The following NRG3 variants were observed in gnomAD, a reference collection of about 807,000 sequenced individuals.
NRG3 encodes pro-neuregulin-3, membrane-bound isoform.
NRG3 carries 31 observed loss-of-function variants against 66.9 expected under a neutral mutation model. The observed-to-expected ratio is 0.46, with a 90% confidence interval of 0.35 to 0.63. The LOEUF (loss-of-function observed/expected upper bound fraction) is 0.63. NRG3 is among the 20% of genes least tolerant of loss of function. NRG3 has a pLI of 0.00. For missense variants in NRG3, 910 were observed against 878.9 expected (o/e 1.04, Z -0.45); for synonymous variants, 393 against 359.4 (o/e 1.09, Z -1.06).
chr10:82,946,903 T>G (rs1389119874), intron 4 of NRG3, among the ~76,000 whole-genome samples: 2 of 152,158 alleles, frequency 1.3e-5, no homozygotes, highest in African/African-American at 4.8e-5. Flanking sequence ...ATTCGACATA[T>G]TCTTTGCATA....
At chr10:82,544,486 C>T (rs2043757857) in intron 2 of NRG3, among the ~76,000 whole-genome samples, 1 of 152,146 alleles carries the variant, frequency 6.6e-6, no homozygotes, top group Admixed American at 6.5e-5. Flanking sequence ...AACCACATGA[C>T]TTGATTTAGC....
chr10:82,294,522 C>T (rs2079945157), intron 1 of NRG3, among the ~76,000 whole-genome samples: 1 of 151,972 alleles, frequency 6.6e-6, no homozygotes, highest in Non-Finnish European at 1.5e-5. Flanking sequence ...CCTGCCACCT[C>T]CGTATTGTGC....
At chr10:82,386,362 C>T (rs1044784350) in intron 2 of NRG3, among the ~76,000 whole-genome samples, 1 of 152,024 alleles carries the variant, frequency 6.6e-6, no homozygotes, top group Non-Finnish European at 1.5e-5. Flanking sequence ...AATAGAGTGG[C>T]ATGGGTTTAT....
At chr10:82,565,054 T>C (rs1279317288) in intron 2 of NRG3, among the ~76,000 whole-genome samples, 1 of 152,052 alleles carries the variant, frequency 6.6e-6, no homozygotes, top group Admixed American at 6.6e-5. Flanking sequence ...AGGAAGAGTT[T>C]GTCATAAGGA....
chr10:82,865,458 C>A (rs1368891365), intron 4 of NRG3, 21 bp downstream of exon 4: 1 of 1,610,272 alleles, frequency 6.2e-7, no homozygotes, highest in Non-Finnish European at 8.5e-7. Flanking sequence ...ACAATTTGCT[C>A]ATTTAATATC....
At chr10:82,355,562 C>T (rs567013044) in intron 1 of NRG3, among the ~76,000 whole-genome samples, 23 of 152,114 alleles carry the variant, frequency 1.5e-4, no homozygotes, top group Non-Finnish European at 1.5e-5. Flanking sequence ...GATAGAAAAC[C>T]TCAGTAAGAG....
At chr10:82,067,821 G>A (rs74360446) in intron 1 of NRG3, among the ~76,000 whole-genome samples, 4,935 of 152,286 alleles carry the variant, frequency 0.032, 165 homozygotes, top group East Asian at 0.15. Flanking sequence ...AGCAATCTTT[G>A]TCATTTCCTT....
intron 2 of NRG3, among the ~76,000 whole-genome samples, chr10:82,433,974 A>G (rs1350175196): frequency 6.6e-6 from 1 of 152,182 alleles, no homozygotes; most frequent in Non-Finnish European, 1.5e-5. Context: ...AGTTTTTTCT[A>G]ATTCTGTGAA....
chr10:82,943,566 A>G (rs753239252), intron 4 of NRG3, among the ~76,000 whole-genome samples: 22 of 152,370 alleles, frequency 1.4e-4, no homozygotes, highest in Non-Finnish European at 2.2e-4. Flanking sequence ...GGAGGAGTAT[A>G]TCTCAGTTCA....
intron 2 of NRG3, among the ~76,000 whole-genome samples, chr10:82,502,131 A>C (rs1424426169): frequency 6.6e-6 from 1 of 152,164 alleles, no homozygotes; most frequent in Admixed American, 6.5e-5. Flanking sequence ...AGGAGTTGAC[A>C]TAACTCTGAT....
intron 4 of NRG3, among the ~76,000 whole-genome samples, chr10:82,866,712 G>A (rs2135956492): frequency 6.6e-6 from 1 of 152,304 alleles, no homozygotes; most frequent in South Asian, 2.1e-4. Flanking sequence ...AAATCAATTA[G>A]TAGTCATCAT....
chr10:82,941,763 G>C (rs1339842507), intron 4 of NRG3, among the ~76,000 whole-genome samples: 3 of 152,142 alleles, frequency 2.0e-5, no homozygotes, highest in Non-Finnish European at 4.4e-5. Flanking sequence ...GAATATTGTT[G>C]TATTATGATG....
At chr10:81,897,973 G>A (rs1192251574) in intron 1 of NRG3, among the ~76,000 whole-genome samples, 4 of 152,150 alleles carry the variant, frequency 2.6e-5, no homozygotes, top group Non-Finnish European at 2.9e-5. Context: ...AGGCCCCACT[G>A]CCCCACTGTA....
chr10:82,394,856 T>C (rs1032622233), intron 2 of NRG3, among the ~76,000 whole-genome samples: 1 of 152,158 alleles, frequency 6.6e-6, no homozygotes, highest in East Asian at 1.9e-4. Context: ...TACATTACAA[T>C]GGAAGTAAGT....
chr10:82,605,469 G>GTA (rs2047911240), intron 2 of NRG3, among the ~76,000 whole-genome samples: 4 of 151,806 alleles, frequency 2.6e-5, no homozygotes, highest in Admixed American at 6.6e-5. Flanking sequence ...TACATCAGTG[G>GTA]GTTCAATTTG....
At chr10:82,522,039 C>CTTTTTTTTTTTTTTTTTTTT (rs71009811) in intron 2 of NRG3, among the ~76,000 whole-genome samples, 1 of 97,746 alleles carries the variant, frequency 1.0e-5, no homozygotes, top group Non-Finnish European at 2.0e-5. Context: ...CCGCTGAAGT[C>CTTTTTTTTTTTTTTTTTTTT]TTTTTTTTTT....
intron 2 of NRG3, among the ~76,000 whole-genome samples, chr10:82,603,216 C>G (rs1380411864): frequency 6.6e-6 from 1 of 152,122 alleles, no homozygotes; most frequent in African/African-American, 2.4e-5. Flanking sequence ...CTTTTGGAGG[C>G]TAGCTTGAGG....
chr10:82,442,919 G>A (rs955082241), intron 2 of NRG3, among the ~76,000 whole-genome samples: 19 of 150,028 alleles, frequency 1.3e-4, no homozygotes, highest in Non-Finnish European at 2.1e-4. Context: ...TAGGCTGAAC[G>A]TGAAGTTGAT....
intron 2 of NRG3, among the ~76,000 whole-genome samples, chr10:82,446,603 T>A (rs145796490): frequency 6.6e-6 from 1 of 151,974 alleles, no homozygotes; most frequent in Admixed American, 6.6e-5. Context: ...CATGGACACA[T>A]TGGGGAGAAC....
Sources: allele counts gnomAD v4.1 joint callset (sites outside exome capture counted in the v4.1 genomes callset), GRCh38; gene constraint gnomAD v4.1.1; transcripts MANE v1.5; gene names NCBI Gene and HGNC (gene_info 2026-07-23, HGNC 2026-07-21).